The following CLVS2 variants were observed in gnomAD, a reference collection of about 807,000 sequenced individuals.
The protein encoded by CLVS2 is clavesin-2.
In CLVS2, 19 loss-of-function variants were observed where a neutral mutation model predicts 29.0. The ratio of observed to expected loss-of-function variants is 0.66; its 90% CI spans 0.46 to 0.96. CLVS2 has a LOEUF of 0.96. Among genes scored for constraint, CLVS2 ranks in the 40% least tolerant of loss-of-function variants. The pLI is 0.00. For missense variants in CLVS2, 294 were observed against 404.1 expected, an observed-to-expected ratio of 0.73 and a Z score of 2.34; for synonymous variants, 161 against 151.3, an observed-to-expected ratio of 1.06 and a Z score of -0.47.
intron 5 of CLVS2, among the ~76,000 whole-genome samples, chr6:123,056,373 C>T (rs914032102): frequency 2.6e-5 from 4 of 152,232 alleles, no homozygotes; most frequent in South Asian, 2.1e-4. Context: ...ATCCACCCCC[C>T]CAAACCATCC....
intron 3 of CLVS2, among the ~76,000 whole-genome samples, chr6:123,018,308 C>A (rs538655927): frequency 9.5e-4 from 144 of 152,086 alleles, no homozygotes; most frequent in African/African-American, 3.4e-3. Context: ...AGCAAAACCT[C>A]GTTTTTTTCT....
chr6:123,055,958 C>T lies in CLVS2; in HGVS notation c.828C>T (p.Tyr276=). The change falls in exon 5 of 6, where the codon TAC becomes TAT. Residue 276 remains tyrosine (Y), a synonymous_variant. Transcript: ENST00000275162. ...ATGAATATGACGATGACAGCGAGTA[C>T]AATGTAGACTCCTACAGCATGCCTG... is the stretch of plus-strand genomic sequence containing the variant. ...LDHEYDDDSE[Y]NVDSYSMPVK... is the part of the protein sequence containing the mutation. 1 of 1,613,976 alleles carries T rather than the reference C, an allele frequency of 6.2e-7. No homozygotes were observed. Among genetic ancestry groups the T allele is most frequent in the East Asian group, 2.2e-5 (1 of 44,838 alleles).
chr6:123,037,488 T>C lies in CLVS2; in HGVS notation c.565-11134T>C, dbSNP rs1582657095. Among the ~76,000 whole-genome samples the C allele has an allele frequency of 2.6e-5, 4 of 152,276 alleles. No individual in the cohort carries two copies. The East Asian group carries it at 7.7e-4, about 29-fold the overall frequency. ...CAAGTAAGGTAGAGAATTTTGCAGG[T>C]ATTTAGCAAACAACCTTGGCAGGCC... is the stretch of plus-strand genomic sequence containing the variant. On this transcript the variant is annotated intron_variant, in intron 3 of 5. Coordinates refer to ENST00000275162, the MANE Select transcript of CLVS2 (RefSeq NM_001010852.4).
intron 3 of CLVS2, among the ~76,000 whole-genome samples, chr6:123,013,054 T>C (rs937413832): frequency 6.6e-6 from 1 of 152,202 alleles, no homozygotes; most frequent in South Asian, 2.1e-4. Flanking sequence ...AAAACAATGG[T>C]AATTCTGAAT....
intron 3 of CLVS2, among the ~76,000 whole-genome samples, chr6:123,013,701 G>A (rs1243906243): frequency 1.3e-5 from 2 of 151,458 alleles, no homozygotes; most frequent in Non-Finnish European, 2.9e-5. Flanking sequence ...GGGTACATGT[G>A]CACATTGTGC....
chr6:123,048,556 C>T, intron 3 of CLVS2, 66 bp from the exon 4 acceptor site: 1 of 1,052,586 alleles, frequency 9.5e-7, no homozygotes, highest in Non-Finnish European at 1.5e-6. Flanking sequence ...TACCATATAA[C>T]CTTTCCTAAA....
intron 2 of CLVS2, among the ~76,000 whole-genome samples, chr6:123,002,445 T>A (rs994252474): frequency 3.3e-5 from 5 of 152,138 alleles, no homozygotes; most frequent in African/African-American, 9.7e-5. Context: ...ATGCTTGCAT[T>A]TACTAAAATA....
chr6:123,010,391 A>G (rs982892485), intron 2 of CLVS2, among the ~76,000 whole-genome samples: 1 of 151,958 alleles, frequency 6.6e-6, no homozygotes, highest in South Asian at 2.1e-4. Flanking sequence ...AAAAGATCCA[A>G]CCCTTGAATT....
intron 5 of CLVS2, among the ~76,000 whole-genome samples, chr6:123,062,088 G>A (rs937608289): frequency 2.6e-5 from 4 of 152,044 alleles, no homozygotes; most frequent in African/African-American, 9.7e-5. Context: ...AACTGATAAA[G>A]TCCCTGCTTA....
At chr6:122,999,386 C>T (rs556141685) in intron 2 of CLVS2, among the ~76,000 whole-genome samples, 205 of 152,160 alleles carry the variant, frequency 1.3e-3, no homozygotes, top group Non-Finnish European at 2.4e-3. Flanking sequence ...TTGACAATCA[C>T]TCCAATTTTT....
At position 123,003,267 on chromosome 6, in the gene CLVS2, G is replaced by A. The variant is rs146085741; in HGVS notation, c.389+5101G>A. On this transcript the variant is annotated intron_variant, in intron 2 of 5. Transcript: ENST00000275162. ...TTCAAAATCAACTTTAAAGAAGGTC[G>A]AGAAGCAAAGGACTTGAGGTTACTA... 3.3e-3 allele frequency among the ~76,000 whole-genome samples: 496 copies of A among 152,338 alleles called. 5 individuals carry two copies. The highest frequency in any genetic ancestry group is 0.011 in the African/African-American group (478 of 41,580).
Position 123,055,790 on chromosome 6 carries a change from C to A in CLVS2, c.676-16C>A, listed in dbSNP as rs183242803. The A allele has an allele frequency of 4.5e-3, 7,021 of 1,571,030 alleles. 23 individuals are homozygous for A. Among genetic ancestry groups the A allele is most frequent in the Non-Finnish European group, 5.6e-3 (6,378 of 1,140,868 alleles). On this transcript the variant is annotated splice_polypyrimidine_tract_variant and intron_variant, in intron 4 of 5. Transcript: ENST00000275162. The stretch of plus-strand genomic sequence containing the variant: ...CTCTGTGTCTTTCCCTTCCTCCCGT[C>A]TTCTTGCATTTATAGATATTTTTGC...
intron 3 of CLVS2, among the ~76,000 whole-genome samples, chr6:123,048,169 T>C (rs1280004549): frequency 1.3e-5 from 2 of 152,086 alleles, no homozygotes; most frequent in African/African-American, 2.4e-5. Flanking sequence ...GTTTTGTGTC[T>C]GGCATTTCTC....
At position 123,048,687 on chromosome 6, in the gene CLVS2, G is replaced by C. The variant is rs778067007; in HGVS notation, c.630G>C (p.Leu210=). The C allele has an allele frequency of 6.2e-7, 1 of 1,613,388 alleles. No individual in the cohort carries two copies. The highest frequency in any genetic ancestry group is 8.5e-7 in the Non-Finnish European group (1 of 1,179,552). Residue 210 remains leucine, a synonymous_variant, in exon 4 of 6, where the codon CTG becomes CTC. Transcript: ENST00000275162. ...ATCAACCATGGTATATCCATGCCCT[G>C]TACACCGTGATCCGGCCTTTCCTGA... is the stretch of plus-strand genomic sequence containing the variant. ...FVNQPWYIHA[L]YTVIRPFLKE... is the part of the protein sequence containing the mutation.
In CLVS2 at chr6:123,070,529, G is replaced by T. The variant is rs946298297; in HGVS notation, c.*6768G>T. ...CAATTTTCAACACATTAGCAAGAGT[G>T]AGTCTCTTAAAATGTAACTCAGACC... is the stretch of plus-strand genomic sequence containing the variant. On this transcript the variant is annotated 3_prime_UTR_variant, in exon 6 of 6. Transcript: ENST00000275162. The T allele has an allele frequency of 6.6e-6, 1 of 151,878 alleles. No individual in the cohort carries two copies. The highest frequency in any genetic ancestry group is 1.5e-5 in the Non-Finnish European group (1 of 67,894). The allele number at this position is 151,878 out of a possible 1,614,324, so 9.4% of individuals were successfully genotyped here. A position where few individuals can be genotyped will look rare whatever the true frequency, so the allele number is the denominator to read the frequency against.
chr6:123,044,521 GAA>G (rs140063534), intron 3 of CLVS2, among the ~76,000 whole-genome samples: 1 of 145,844 alleles, frequency 6.9e-6, no homozygotes, highest in East Asian at 2.0e-4. Context: ...AAAGGGGAAA[GAA>G]AAAAAAAACA....
At chr6:123,002,435 A>G (rs752963824) in intron 2 of CLVS2, among the ~76,000 whole-genome samples, 9 of 152,136 alleles carry the variant, frequency 5.9e-5, no homozygotes, top group Non-Finnish European at 1.3e-4. Context: ...AATTATGATT[A>G]TGCTTGCATT....
intron 3 of CLVS2, among the ~76,000 whole-genome samples, chr6:123,045,645 C>T (rs938322969): frequency 1.3e-5 from 2 of 152,096 alleles, no homozygotes; most frequent in Non-Finnish European, 1.5e-5. Flanking sequence ...CCATTTCCAC[C>T]TTATAGGGTA....
At chr6:123,027,918 A>G (rs1440998127) in intron 3 of CLVS2, among the ~76,000 whole-genome samples, 1 of 152,234 alleles carries the variant, frequency 6.6e-6, no homozygotes, top group Admixed American at 6.5e-5. Context: ...TTATTATATT[A>G]ATGTACTGTG....
Sources: allele counts gnomAD v4.1 joint callset (sites outside exome capture counted in the v4.1 genomes callset), GRCh38; gene constraint gnomAD v4.1.1; transcripts MANE v1.5; gene names NCBI Gene and HGNC (gene_info 2026-07-23, HGNC 2026-07-21).